Variants in CTNND2 observed in about 807,000 individuals in gnomAD.
CTNND2 encodes the protein catenin delta 2.
Under a neutral mutation model 144.4 loss-of-function variants are expected in CTNND2, and 22 were observed. That is an observed-to-expected ratio of 0.15 (90% confidence interval 0.11 to 0.22). CTNND2 has a LOEUF of 0.22. CTNND2 is among the 10% of genes least tolerant of loss of function. The probability of loss-of-function intolerance (pLI) is 1.00; values close to 1 mark genes in which losing one functional copy is unlikely to be tolerated. For synonymous variants in CTNND2, 751 were observed against 695.6 expected, an observed-to-expected ratio of 1.08 and a Z score of -1.25; for missense variants, 1,353 against 1,618.8, an observed-to-expected ratio of 0.84 and a Z score of 2.82.
chr5:11,461,637 T>A lies in CTNND2; in HGVS notation c.288-49568A>T, dbSNP rs1021479258. 9.2e-5 allele frequency among the ~76,000 whole-genome samples: 14 copies of A among 152,280 alleles called. No individual in the cohort carries two copies. The East Asian group carries it at 2.7e-3, about 29-fold the overall frequency. Reference sequence around the variant, plus strand: ...CATCTTGAGCATGTTGTAGCTCGAATGAGCAAGAATCATAAACTCATGGAC... The same window carrying A: ...CATCTTGAGCATGTTGTAGCTCGAAAGAGCAAGAATCATAAACTCATGGAC... On this transcript the variant is annotated intron_variant, in intron 3 of 21. Transcript: ENST00000304623.
chr5:11,143,552 T>G (rs1199639067), intron 12 of CTNND2, among the ~76,000 whole-genome samples: 1 of 152,176 alleles, frequency 6.6e-6, no homozygotes, highest in East Asian at 1.9e-4. Flanking sequence ...GTGTCCAAAT[T>G]TCCCATTTTT....
chr5:11,804,915 C>A (rs527395647), intron 1 of CTNND2, among the ~76,000 whole-genome samples: 3 of 152,292 alleles, frequency 2.0e-5, no homozygotes, highest in African/African-American at 7.2e-5. Flanking sequence ...CTGTACAAAA[C>A]AACCTCACTG....
chr5:11,166,471 G>A (rs368301807), intron 11 of CTNND2, among the ~76,000 whole-genome samples: 3 of 151,558 alleles, frequency 2.0e-5, no homozygotes, highest in African/African-American at 7.3e-5. Flanking sequence ...GGATGGTCTC[G>A]ATCTCCTGAC....
At chr5:11,772,467 G>A (rs751790319) in intron 1 of CTNND2, among the ~76,000 whole-genome samples, 13 of 152,104 alleles carry the variant, frequency 8.5e-5, no homozygotes, top group African/African-American at 2.4e-4. Flanking sequence ...ATTTTAAACC[G>A]TCTCTGAAAA....
Position 11,862,545 on chromosome 5 carries a change from T to C in CTNND2, c.37+41272A>G, listed in dbSNP as rs546279774. Among the ~76,000 whole-genome samples the C allele has an allele frequency of 2.0e-5, 3 of 152,316 alleles. No individual in the cohort carries two copies. The South Asian group carries it at 6.2e-4, about 32-fold the overall frequency. ...GAAACTAGAAAACTTGATGCATTTC[T>C]TACCATTAGTTCTAAAACAGACATT... is the stretch of plus-strand genomic sequence containing the variant. On this transcript the variant is annotated intron_variant, in intron 1 of 21. Transcript: ENST00000304623.
At chr5:11,111,292 A>T (rs61754596) in intron 13 of CTNND2, among the ~76,000 whole-genome samples, 86 of 152,354 alleles carry the variant, frequency 5.6e-4, no homozygotes, top group South Asian at 1.7e-3. Flanking sequence ...AACATCTGTT[A>T]TTGTTGATTG....
intron 2 of CTNND2, among the ~76,000 whole-genome samples, chr5:11,666,567 G>A (rs938743068): frequency 9.9e-5 from 15 of 152,118 alleles, no homozygotes; most frequent in Non-Finnish European, 1.9e-4. Context: ...GCTGTAATGC[G>A]ATCATAAAAT....
chr5:11,902,758 C>G (rs1223409009), intron 1 of CTNND2, among the ~76,000 whole-genome samples: 1 of 152,080 alleles, frequency 6.6e-6, no homozygotes, highest in Non-Finnish European at 1.5e-5. Context: ...CGAATCAGAT[C>G]AGCTCAAATG....
chr5:11,674,192 T>A (rs1306765865), intron 2 of CTNND2, among the ~76,000 whole-genome samples: 1 of 152,184 alleles, frequency 6.6e-6, no homozygotes, highest in East Asian at 1.9e-4. Flanking sequence ...TGAAACCATA[T>A]CTACAGCTTT....
At chr5:11,211,994 T>C (rs1482621026) in intron 10 of CTNND2, among the ~76,000 whole-genome samples, 3 of 152,178 alleles carry the variant, frequency 2.0e-5, no homozygotes, top group South Asian at 2.1e-4. Flanking sequence ...CCGGTAAAAA[T>C]TGTATAGAAT....
chr5:11,378,291 G>A (rs777981099), intron 7 of CTNND2, among the ~76,000 whole-genome samples: 1 of 152,162 alleles, frequency 6.6e-6, no homozygotes, highest in Non-Finnish European at 1.5e-5. Context: ...CAGGCAATGG[G>A]TTCCTAATGC....
At chr5:11,028,872 C>A (rs1018171892) in intron 16 of CTNND2, among the ~76,000 whole-genome samples, 2 of 152,148 alleles carry the variant, frequency 1.3e-5, no homozygotes, top group African/African-American at 4.8e-5. Flanking sequence ...CCCCACCCAG[C>A]TAATTTTTTG....
chr5:11,690,096 G>A (rs1561696945), intron 2 of CTNND2, among the ~76,000 whole-genome samples: 1 of 152,160 alleles, frequency 6.6e-6, no homozygotes, highest in Non-Finnish European at 1.5e-5. Flanking sequence ...CTTTCAAATT[G>A]CCTCAATTAT....
intron 16 of CTNND2, among the ~76,000 whole-genome samples, chr5:11,042,884 T>G (rs1289682409): frequency 6.6e-6 from 1 of 152,206 alleles, no homozygotes; most frequent in African/African-American, 2.4e-5. Flanking sequence ...GTGCCTGAAC[T>G]TTTCCAGATC....
intron 2 of CTNND2, among the ~76,000 whole-genome samples, chr5:11,618,617 A>T (rs1780690393): frequency 6.6e-6 from 1 of 152,214 alleles, no homozygotes; most frequent in African/African-American, 2.4e-5. Context: ...ATACTACTTA[A>T]GCCTCTTATT....
chr5:11,595,884 T>C (rs1271697441), intron 2 of CTNND2, among the ~76,000 whole-genome samples: 2 of 152,242 alleles, frequency 1.3e-5, no homozygotes, highest in Non-Finnish European at 2.9e-5. Context: ...ACATCTGCTA[T>C]ATGGAATCAG....
chr5:11,511,377 G>A (rs750162055), intron 3 of CTNND2, among the ~76,000 whole-genome samples: 30 of 152,154 alleles, frequency 2.0e-4, no homozygotes, highest in African/African-American at 2.7e-4. Flanking sequence ...GAAGATGAGC[G>A]ATGGCAGGGA....
chr5:11,245,099 C>T (rs1006519940), intron 9 of CTNND2, among the ~76,000 whole-genome samples: 4 of 152,180 alleles, frequency 2.6e-5, no homozygotes, highest in African/African-American at 9.7e-5. Context: ...TATTTCCTTA[C>T]AAGTAGCCCT....
At chr5:11,440,702 C>T (rs976279068) in intron 3 of CTNND2, among the ~76,000 whole-genome samples, 2 of 152,078 alleles carry the variant, frequency 1.3e-5, no homozygotes, top group Non-Finnish European at 2.9e-5. Context: ...TAGAATAATG[C>T]TAGAGGGCCA....
Sources: gnomAD v4.1 joint callset for allele counts (sites outside exome capture counted in the v4.1 genomes callset) on GRCh38, gnomAD v4.1.1 for gene constraint, MANE v1.5 for transcripts, NCBI Gene and HGNC (gene_info 2026-07-23, HGNC 2026-07-21) for gene names.